The following SHC2 variants were observed in gnomAD, a reference collection of about 807,000 sequenced individuals.
The protein encoded by SHC2 is SHC-transforming protein 2.
Under a neutral mutation model 60.6 loss-of-function variants are expected in SHC2, and 62 were observed. The observed-to-expected ratio is 1.02, with a 90% CI of 0.83 to 1.26. SHC2 has a LOEUF of 1.26. Ranked by LOEUF, SHC2 falls within the 50% of genes most tolerant of loss-of-function variation. The pLI is 0.00. For missense variants in SHC2, 873 were observed against 822.2 expected (o/e 1.06, Z -0.76); for synonymous variants, 375 against 372.4 (o/e 1.01, Z -0.08).
intron 6 of SHC2, 27 bp downstream of exon 6, chr19:436,353 C>T (rs1974718812): frequency 3.1e-6 from 5 of 1,596,082 alleles, no homozygotes; most frequent in East Asian, 2.2e-5. Flanking sequence ...GCCACAGGAC[C>T]CCCACCGGCC....
intron 1 of SHC2, among the ~76,000 whole-genome samples, chr19:442,512 TG>T (rs1974902719): frequency 1.2e-5 from 1 of 80,854 alleles, no homozygotes; most frequent in Non-Finnish European, 2.4e-5. Flanking sequence ...GACGGATGGA[TG>T]GATGGATGGG....
In SHC2 at chr19:424,001, G is replaced by A. The variant is rs895367146; in HGVS notation, c.1309+1096C>T. On this transcript the variant is annotated intron_variant, in intron 10 of 12. Coordinates refer to ENST00000264554, the MANE Select transcript of SHC2 (RefSeq NM_012435.3). This position sits in a 1 kb window ranked among gnomAD's most constrained non-coding sequence, Gnocchi z 4.5. The stretch of plus-strand genomic sequence containing the variant: ...CTTGGTACACAGCAGGCGCCCACTA[G>A]GTGCTAGATGGTGTCATTATTGTGA... 1.3e-5 allele frequency among the ~76,000 whole-genome samples: 2 copies of A among 152,180 alleles called. No homozygotes were observed. Among genetic ancestry groups the A allele is most frequent in the African/African-American group, 4.8e-5 (2 of 41,446 alleles).
At chr19:421,661 G>A (rs868205858) in intron 11 of SHC2, among the ~76,000 whole-genome samples, 23 of 152,260 alleles carry the variant, frequency 1.5e-4, no homozygotes, top group Admixed American at 7.2e-4. Flanking sequence ...GAAATCATAA[G>A]ATTGAGATTA....
Position 446,493 on chromosome 19 carries a change from T to C in SHC2, c.469-5561A>G, listed in dbSNP as rs1975056773. ...GCCCGGCTAATTTTTGTATTTTTAG[T>C]AGAGACGGGGTTTCATCATATTGGC... On this transcript the variant is annotated intron_variant, in intron 1 of 12. Coordinates refer to ENST00000264554, the MANE Select transcript of SHC2 (RefSeq NM_012435.3). This position sits in a 1 kb window ranked among gnomAD's most constrained non-coding sequence, Gnocchi z 5.4. Among the ~76,000 whole-genome samples, 1 of 152,134 alleles carries C rather than the reference T, an allele frequency of 6.6e-6. No homozygotes were observed. Among genetic ancestry groups the C allele is most frequent in the South Asian group, 2.1e-4 (1 of 4,806 alleles).
intron 1 of SHC2, among the ~76,000 whole-genome samples, chr19:459,018 T>C (rs540323833): frequency 6.6e-6 from 1 of 152,244 alleles, no homozygotes; most frequent in South Asian, 2.1e-4. Flanking sequence ...AACGGCCCGC[T>C]CCTCTGTGCA....
At chr19:437,644 T>A (rs1025827238) in intron 4 of SHC2, among the ~76,000 whole-genome samples, 1 of 152,016 alleles carries the variant, frequency 6.6e-6, no homozygotes, top group African/African-American at 2.4e-5. Flanking sequence ...GAGATGGAAA[T>A]TGCGTGGAAA....
chr19:426,909 C>T (rs1210462686), intron 9 of SHC2, among the ~76,000 whole-genome samples: 1 of 151,568 alleles, frequency 6.6e-6, no homozygotes, highest in Non-Finnish European at 1.5e-5. Context: ...TGGAGGAATC[C>T]CTGGACCCTG....
At chr19:444,523 C>T (rs1161454037) in intron 1 of SHC2, among the ~76,000 whole-genome samples, 1 of 151,546 alleles carries the variant, frequency 6.6e-6, no homozygotes, top group Non-Finnish European at 1.5e-5. Flanking sequence ...GCCTAGTGCA[C>T]GGGGGAGGTG....
At position 425,192 on chromosome 19, in the gene SHC2, C is replaced by G. The variant is rs1036808182; in HGVS notation, c.1214G>C (p.Gly405Ala). The G allele has an allele frequency of 3.7e-6, 5 of 1,343,790 alleles. No homozygotes were observed. The highest frequency in any genetic ancestry group is 3.0e-5 in the Admixed American group (1 of 33,300). The allele number at this position is 1,343,790 out of a possible 1,614,324, so 83.2% of individuals were successfully genotyped here. ...GDGYVQADAR[G>A]PPDHEEHLYV... Reference sequence around the variant, plus strand: ...CAGGTGCTCCTCGTGGTCCGGGGGGCCCCGGGCGTCCGCCTGCACGTAGCC... The same window carrying G: ...CAGGTGCTCCTCGTGGTCCGGGGGGGCCCGGGCGTCCGCCTGCACGTAGCC... Residue 405 changes from glycine (G) to alanine (A), a missense_variant, in exon 10 of 13, where the codon GGC becomes GCC. Coordinates refer to ENST00000264554, the MANE Select transcript of SHC2 (RefSeq NM_012435.3). The surrounding 1 kb of genome is among the most constrained non-coding windows in gnomAD (Gnocchi z 4.1).
rs117033020 is a variant in SHC2, at chr19:438,911, C to T, written c.600+59G>A. ...CGAGGGGCTCCCAGGATGGCCGCAG[C>T]GTCCCCACAGCCCCCGACTGCCCCA... On this transcript the variant is annotated intron_variant, in intron 3 of 12. Coordinates refer to ENST00000264554, the MANE Select transcript of SHC2 (RefSeq NM_012435.3). This position sits in a 1 kb window ranked among gnomAD's most constrained non-coding sequence, Gnocchi z 5.0. 0.14 allele frequency: 212,427 copies of T among 1,553,060 alleles called. 15,231 individuals are homozygous for T. Among genetic ancestry groups the T allele is most frequent in the Admixed American group, 0.25 (13,223 of 52,126 alleles).
At chr19:419,434 G>C (rs921937313) in intron 11 of SHC2, 1 of 174,348 alleles carries the variant, frequency 5.7e-6, no homozygotes, top group Non-Finnish European at 1.2e-5. Flanking sequence ...GGGGCCCTAA[G>C]TCCACTAGCT....
At position 424,998 on chromosome 19, in the gene SHC2, G is replaced by T; in HGVS notation, c.1309+99C>A. 1 of 1,241,796 alleles carries T rather than the reference G, an allele frequency of 8.1e-7. No individual in the cohort carries two copies. The highest frequency in any genetic ancestry group is 3.1e-5 in the South Asian group (1 of 32,680). 76.9% of individuals were successfully genotyped at this position (1,241,796 alleles called of 1,614,324 possible). ...GGGGAGAAGGGAGCCTCCCCCATCAGACCAGGGAATCCCGTAGGGAGTGGG... is the reference window on the plus strand; with the variant it reads ...GGGGAGAAGGGAGCCTCCCCCATCATACCAGGGAATCCCGTAGGGAGTGGG... On this transcript the variant is annotated intron_variant, in intron 10 of 12. Transcript: ENST00000264554. The surrounding 1 kb of genome is among the most constrained non-coding windows in gnomAD (Gnocchi z 4.5).
chr19:444,812 T>C (rs1451837636), intron 1 of SHC2, among the ~76,000 whole-genome samples: 2 of 152,216 alleles, frequency 1.3e-5, no homozygotes, highest in African/African-American at 4.8e-5. Flanking sequence ...CTCAGGGCGC[T>C]TGTCACGTGT....
chr19:428,347 G>A (rs1974472220), intron 9 of SHC2, among the ~76,000 whole-genome samples: 1 of 152,204 alleles, frequency 6.6e-6, no homozygotes, highest in Admixed American at 6.5e-5. Flanking sequence ...TGGCACACAG[G>A]CGGACCGTTT....
At chr19:436,036 T>G (rs1974707394) in intron 7 of SHC2, 129 bp downstream of exon 7, 1 of 1,009,748 alleles carries the variant, frequency 9.9e-7, no homozygotes, top group Non-Finnish European at 1.4e-6. Flanking sequence ...TGAGCCATAT[T>G]CTCACGGGAC....
At chr19:450,184 G>A (rs911303199) in intron 1 of SHC2, among the ~76,000 whole-genome samples, 1 of 152,182 alleles carries the variant, frequency 6.6e-6, no homozygotes, top group Non-Finnish European at 1.5e-5. Flanking sequence ...GGAGGGGGGG[G>A]ACTCACAATG....
chr19:420,745 G>A (rs182093116), intron 11 of SHC2, among the ~76,000 whole-genome samples: 1 of 152,336 alleles, frequency 6.6e-6, no homozygotes, highest in Admixed American at 6.5e-5. Context: ...CGGGGAGAGT[G>A]TATATCTTAG....
chr19:434,906 C>A, intron 7 of SHC2, 41 bp from the exon 8 acceptor site: 1 of 1,592,014 alleles, frequency 6.3e-7, no homozygotes, highest in South Asian at 1.1e-5. Context: ...AGGCAGGGCC[C>A]AAGGGGGCTA....
intron 1 of SHC2, among the ~76,000 whole-genome samples, chr19:459,105 A>G (rs1975469581): frequency 6.6e-6 from 1 of 150,886 alleles, no homozygotes; most frequent in Non-Finnish European, 1.5e-5. Context: ...TACATCTGCA[A>G]GGACCCTGTT....
Sources: gnomAD v4.1 joint callset for allele counts (sites outside exome capture counted in the v4.1 genomes callset) on GRCh38, gnomAD v4.1.1 for gene constraint, Gnocchi (gnomAD v3.1) non-coding constraint, MANE v1.5 for transcripts, NCBI Gene and HGNC (gene_info 2026-07-23, HGNC 2026-07-21) for gene names.